The following CSMD1 variants were observed in gnomAD, a reference collection of about 807,000 sequenced individuals.
CSMD1 encodes the protein CUB and Sushi multiple domains 1.
Under a neutral mutation model 417.5 loss-of-function variants are expected in CSMD1, and 213 were observed. The observed-to-expected ratio is 0.51, with a 90% CI of 0.46 to 0.57. The LOEUF is 0.57. CSMD1 is among the 20% of genes least tolerant of loss of function. The probability of loss-of-function intolerance (pLI) is 0.00; values close to 1 mark genes in which losing one functional copy is unlikely to be tolerated. For synonymous variants in CSMD1, 2,862 were observed against 1,736.8 expected, an observed-to-expected ratio of 1.65 and a Z score of -16.11; for missense variants, 6,923 against 4,529.7, an observed-to-expected ratio of 1.53 and a Z score of -15.17.
Position 3,468,701 on chromosome 8 carries a change from T to C in CSMD1, c.1561+11A>G, listed in dbSNP as rs1447978739. ...TAACTTCCAACCCTGTGAAGTGTAA[T>C]CTCATCATACCTTGGTAAACAGCTT... is the stretch of plus-strand genomic sequence containing the variant. On this transcript the variant is annotated intron_variant, in intron 12 of 69. Transcript: ENST00000635120. 2.6e-6 allele frequency: 4 copies of C among 1,556,576 alleles called. No individual in the cohort carries two copies. The Admixed American group carries it at 5.3e-5, about 21-fold the overall frequency.
chr8:4,164,486 AC>A (rs1692938811), intron 3 of CSMD1, among the ~76,000 whole-genome samples: 1 of 152,126 alleles, frequency 6.6e-6, no homozygotes, highest in Non-Finnish European at 1.5e-5. Flanking sequence ...AACTAATCAA[AC>A]GCAATGCCAG....
At chr8:4,217,748 T>C (rs1009100689) in intron 3 of CSMD1, among the ~76,000 whole-genome samples, 14 of 152,274 alleles carry the variant, frequency 9.2e-5, no homozygotes, top group Middle Eastern at 6.8e-3. Context: ...TACGGTGTTA[T>C]AGGATACTGG....
chr8:4,400,075 G>C (rs567199629), intron 3 of CSMD1, among the ~76,000 whole-genome samples: 9 of 152,208 alleles, frequency 5.9e-5, no homozygotes, highest in Non-Finnish European at 1.2e-4. Context: ...CATGCCAAAA[G>C]AGAGATCTAA....
At chr8:4,120,813 C>A (rs374715143) in intron 3 of CSMD1, among the ~76,000 whole-genome samples, 36 of 152,230 alleles carry the variant, frequency 2.4e-4, no homozygotes, top group African/African-American at 7.9e-4. Flanking sequence ...TCATGACATG[C>A]CAGAAATCAC....
At chr8:3,576,643 G>C (rs1800162914) in intron 9 of CSMD1, among the ~76,000 whole-genome samples, 2 of 152,172 alleles carry the variant, frequency 1.3e-5, no homozygotes, top group African/African-American at 4.8e-5. Context: ...ACATAACTGG[G>C]TTTCCGAAAC....
At chr8:3,680,226 C>G (rs1030004693) in intron 7 of CSMD1, among the ~76,000 whole-genome samples, 1 of 152,034 alleles carries the variant, frequency 6.6e-6, no homozygotes, top group Non-Finnish European at 1.5e-5. Flanking sequence ...AAAAACCCTT[C>G]AAAAAATCGA....
At chr8:4,051,687 A>T (rs1180182980) in intron 3 of CSMD1, among the ~76,000 whole-genome samples, 1 of 152,092 alleles carries the variant, frequency 6.6e-6, no homozygotes, top group Admixed American at 6.5e-5. Flanking sequence ...GATCAAGGCC[A>T]ATTTATTTTC....
intron 12 of CSMD1, among the ~76,000 whole-genome samples, chr8:3,413,940 A>G (rs1423210419): frequency 6.6e-6 from 1 of 151,874 alleles, no homozygotes. Context: ...TGAGTTGGAG[A>G]CCAGCCTGGC....
intron 1 of CSMD1, among the ~76,000 whole-genome samples, chr8:4,781,837 T>C (rs1165613998): frequency 6.6e-6 from 1 of 152,216 alleles, no homozygotes; most frequent in East Asian, 1.9e-4. Flanking sequence ...ACGATGACGG[T>C]TCCATATTTT....
chr8:4,369,519 G>C (rs553733852), intron 3 of CSMD1, among the ~76,000 whole-genome samples: 1 of 152,212 alleles, frequency 6.6e-6, no homozygotes, highest in South Asian at 2.1e-4. Context: ...ACAATGATTT[G>C]TCTAACACCG....
chr8:3,836,474 T>C (rs1465992899), intron 5 of CSMD1, among the ~76,000 whole-genome samples: 1 of 152,178 alleles, frequency 6.6e-6, no homozygotes, highest in Non-Finnish European at 1.5e-5. Flanking sequence ...AGAGGAGATG[T>C]AGCAGAGATT....
In CSMD1 at chr8:3,367,163, G is replaced by A; in HGVS notation, c.2984C>T (p.Pro995Leu). 6.2e-7 allele frequency: 1 copy of A among 1,613,664 alleles called. No homozygotes were observed. The highest frequency in any genetic ancestry group is 2.2e-5 in the East Asian group (1 of 44,826). The change falls in exon 20 of 70, where the codon CCC (proline) becomes CTC (leucine). Residue 995 changes from proline to leucine, a missense_variant. Physicochemically the swap from Pro to Leu is moderately conservative, Grantham distance 98. Transcript: ENST00000635120. ...LITEDGSFSE[P>L]VARLTGSVLP... Reference sequence around the variant, plus strand: ...CACCGACCCGGTGAGCCTGGCAACGGGCTCGGAAAAACTTCCATCCTCTGT... The same window carrying A: ...CACCGACCCGGTGAGCCTGGCAACGAGCTCGGAAAAACTTCCATCCTCTGT...
At chr8:4,066,555 G>C (rs1008160392) in intron 3 of CSMD1, among the ~76,000 whole-genome samples, 2 of 152,128 alleles carry the variant, frequency 1.3e-5, no homozygotes, top group Non-Finnish European at 2.9e-5. Flanking sequence ...TACCATTAAA[G>C]ACTTGTTACA....
At chr8:3,616,884 C>T (rs911163713) in intron 7 of CSMD1, 87 bp from the exon 8 acceptor site, 1 of 848,390 alleles carries the variant, frequency 1.2e-6, no homozygotes, top group Non-Finnish European at 1.8e-6. Context: ...ATTTTCAGTT[C>T]TTTAATGATA....
intron 1 of CSMD1, among the ~76,000 whole-genome samples, chr8:4,872,573 CA>C (rs1563642258): frequency 1.3e-5 from 2 of 152,008 alleles, no homozygotes; most frequent in African/African-American, 4.8e-5. Flanking sequence ...AACTGTGAGT[CA>C]ATTAAAACAC....
chr8:4,543,637 G>A (rs1414339168), intron 2 of CSMD1, among the ~76,000 whole-genome samples: 3 of 131,644 alleles, frequency 2.3e-5, no homozygotes, highest in African/African-American at 5.7e-5. Flanking sequence ...TACCTATGAT[G>A]GCTGGATCAT....
At chr8:4,666,725 T>C (rs1013551645) in intron 1 of CSMD1, among the ~76,000 whole-genome samples, 1 of 152,194 alleles carries the variant, frequency 6.6e-6, no homozygotes, top group Admixed American at 6.5e-5. Flanking sequence ...CTTACTGAGA[T>C]TTGAGAGTTC....
chr8:4,073,913 CTT>C lies in CSMD1; in HGVS notation c.416-41816_416-41815del, dbSNP rs141118020. On this transcript the variant is annotated intron_variant, in intron 3 of 69. Transcript: ENST00000635120. ...CAGCTATACAAATATTTCAAGTAGTCTTAATCTATACAGACGGTTTTTGACGG... is the reference window on the plus strand; with the variant it reads ...CAGCTATACAAATATTTCAAGTAGTCAATCTATACAGACGGTTTTTGACGG... 3.8e-3 allele frequency among the ~76,000 whole-genome samples: 573 copies of C among 152,190 alleles called. 14 individuals are homozygous for C. The East Asian group carries it at 0.06, about 16-fold the overall frequency.
chr8:3,934,939 A>G (rs111513060), intron 5 of CSMD1, among the ~76,000 whole-genome samples: 1 of 152,174 alleles, frequency 6.6e-6, no homozygotes, highest in Non-Finnish European at 1.5e-5. Flanking sequence ...TAGAGGGCAT[A>G]TAAAAGTAAT....
Sources: allele counts gnomAD v4.1 joint callset (sites outside exome capture counted in the v4.1 genomes callset), GRCh38; gene constraint gnomAD v4.1.1; transcripts MANE v1.5; gene names NCBI Gene and HGNC (gene_info 2026-07-23, HGNC 2026-07-21).